Variants in ZBP1 observed in about 807,000 individuals in gnomAD.
ZBP1 encodes Z-DNA-binding protein 1.
Under a neutral mutation model 41.1 loss-of-function variants are expected in ZBP1, and 42 were observed. The observed-to-expected ratio is 1.02, with a 90% CI of 0.80 to 1.32. The LOEUF is 1.32. Among genes scored for constraint, ZBP1 ranks in the 40% most tolerant of loss-of-function variants. The pLI is 0.00. For missense variants in ZBP1, 562 were observed against 549.7 expected (o/e 1.02, Z -0.22); for synonymous variants, 214 against 205.2 (o/e 1.04, Z -0.37).
chr20:57,612,068 T>G, intron 5 of ZBP1, 138 bp from the exon 6 acceptor site: 1 of 963,012 alleles, frequency 1.0e-6, no homozygotes, highest in Non-Finnish European at 1.5e-6. Context: ...AGGCTCTGGC[T>G]TAGAGAGCAA....
intron 5 of ZBP1, among the ~76,000 whole-genome samples, chr20:57,612,605 G>A (rs1173698473): frequency 3.3e-5 from 5 of 152,202 alleles, no homozygotes; most frequent in Non-Finnish European, 7.3e-5. Flanking sequence ...GGGCTGACAG[G>A]TGGCTCTGTC....
At chr20:57,607,129 G>T in intron 7 of ZBP1, 1 of 1,304,290 alleles carries the variant, frequency 7.7e-7, no homozygotes, top group Non-Finnish European at 1.0e-6. Context: ...ATGGATCTGG[G>T]CAAAGTAAGT....
Sources: gnomAD v4.1 joint callset for allele counts (sites outside exome capture counted in the v4.1 genomes callset) on GRCh38, gnomAD v4.1.1 for gene constraint, MANE v1.5 for transcripts, NCBI Gene and HGNC (gene_info 2026-07-23, HGNC 2026-07-21) for gene names.